The following PPP1R12A variants were observed in gnomAD, a reference collection of about 807,000 sequenced individuals.
The protein encoded by PPP1R12A is protein phosphatase 1 regulatory subunit 12A, also known as myosin binding subunit.
PPP1R12A carries 19 observed loss-of-function variants against 139.6 expected under a neutral mutation model. That is an observed-to-expected ratio of 0.14 (90% CI 0.09 to 0.20). PPP1R12A has a LOEUF of 0.20. Ranked by LOEUF, PPP1R12A falls within the 10% of genes least tolerant of loss-of-function variation. PPP1R12A has a pLI of 1.00. For missense variants in PPP1R12A, 925 were observed against 1,211.5 expected (o/e 0.76, Z 3.51); for synonymous variants, 427 against 420.6 (o/e 1.02, Z -0.19).
intron 18 of PPP1R12A, among the ~76,000 whole-genome samples, chr12:79,794,865 T>C (rs929460769): frequency 1.3e-5 from 2 of 152,110 alleles, no homozygotes; most frequent in African/African-American, 2.4e-5. Context: ...ATAACAGTTA[T>C]AAAATTTATA....
At chr12:79,805,820 CAATG>C (rs1873758508) in intron 13 of PPP1R12A, 52 bp from the exon 14 acceptor site, 1 of 1,516,616 alleles carries the variant, frequency 6.6e-7, no homozygotes, top group Non-Finnish European at 9.0e-7. Flanking sequence ...AACAGCTAAA[CAATG>C]AAAGCACTTT....
At chr12:79,809,507 A>G (rs1247486112) in intron 10 of PPP1R12A, among the ~76,000 whole-genome samples, 2 of 152,152 alleles carry the variant, frequency 1.3e-5, no homozygotes, top group Non-Finnish European at 2.9e-5. Context: ...GAATCATAAT[A>G]AACAAAATAA....
Position 79,877,825 on chromosome 12 carries a change from T to C in PPP1R12A, c.238-4887A>G, listed in dbSNP as rs149130387. 9.8e-5 allele frequency among the ~76,000 whole-genome samples: 15 copies of C among 152,318 alleles called. No individual in the cohort carries two copies. The East Asian group carries it at 2.5e-3, about 25-fold the overall frequency. On this transcript the variant is annotated intron_variant, in intron 1 of 24. Coordinates refer to ENST00000450142, the MANE Select transcript of PPP1R12A (RefSeq NM_002480.3). ...GCCACCACACCCGGCTGATACTCAT[T>C]AAATTCTGTTCACCTTTTTTTCTCA...
chr12:79,823,118 A>G (rs1876329097), intron 5 of PPP1R12A, among the ~76,000 whole-genome samples: 1 of 152,180 alleles, frequency 6.6e-6, no homozygotes, highest in Admixed American at 6.5e-5. Context: ...TTCACTGTGA[A>G]AGAGAAAAAT....
intron 1 of PPP1R12A, among the ~76,000 whole-genome samples, chr12:79,927,482 T>C (rs899945288): frequency 2.6e-5 from 4 of 152,154 alleles, no homozygotes; most frequent in African/African-American, 9.7e-5. Context: ...CTAAAACAAA[T>C]GTGGATGAAG....
In PPP1R12A at chr12:79,781,934, T is replaced by C. The variant is rs1870497860; in HGVS notation, c.2908-72A>G. 4.0e-5 allele frequency: 32 copies of C among 802,804 alleles called. No homozygotes were observed. The South Asian group carries it at 5.4e-4, about 14-fold the overall frequency. 49.7% of individuals were successfully genotyped at this position (802,804 alleles called of 1,614,324 possible). On this transcript the variant is annotated intron_variant, in intron 22 of 24. Transcript: ENST00000450142. ...CAGGGGTGACCACAGTAATTCTCTTTTAATAGGTATTAAATCACAATATTC... is the reference window on the plus strand; with the variant it reads ...CAGGGGTGACCACAGTAATTCTCTTCTAATAGGTATTAAATCACAATATTC...
chr12:79,880,171 A>G (rs1883497221), intron 1 of PPP1R12A, among the ~76,000 whole-genome samples: 1 of 152,190 alleles, frequency 6.6e-6, no homozygotes, highest in South Asian at 2.1e-4. Flanking sequence ...ATAGTCCATA[A>G]ATAACAATGA....
intron 1 of PPP1R12A, among the ~76,000 whole-genome samples, chr12:79,914,392 A>G (rs903927481): frequency 2.6e-5 from 4 of 152,026 alleles, no homozygotes; most frequent in East Asian, 1.9e-4. Context: ...ACTGATATTC[A>G]TATTTACCCA....
intron 1 of PPP1R12A, among the ~76,000 whole-genome samples, chr12:79,924,491 T>C (rs1273557589): frequency 3.9e-5 from 6 of 152,202 alleles, no homozygotes; most frequent in Admixed American, 6.5e-5. Flanking sequence ...TGCAGTGGCG[T>C]GATCACAGCT....
Position 79,934,885 on chromosome 12 carries a change from C to A in PPP1R12A, c.47G>T (p.Arg16Leu). The A allele has an allele frequency of 6.2e-7, 1 of 1,609,536 alleles. No individual in the cohort carries two copies. Among genetic ancestry groups the A allele is most frequent in the Non-Finnish European group, 8.5e-7 (1 of 1,178,004 alleles). ...AKQKRNEQLK[R>L]WIGSETDLEP... is the part of the protein sequence containing the mutation. ...GAGGTCCGTCTCGGAGCCGATCCAGCGTTTCAGCTGCTCGTTCCGCTTCTG... is the reference window on the plus strand; with the variant it reads ...GAGGTCCGTCTCGGAGCCGATCCAGAGTTTCAGCTGCTCGTTCCGCTTCTG... The change falls in exon 1 of 25, where the codon CGC becomes CTC. Residue 16 changes from arginine (R) to leucine (L), a missense_variant. Transcript: ENST00000450142.
At chr12:79,845,596 C>A (rs1291815451) in intron 2 of PPP1R12A, among the ~76,000 whole-genome samples, 176 bp from the exon 3 acceptor site, 2 of 152,170 alleles carry the variant, frequency 1.3e-5, no homozygotes, top group African/African-American at 4.8e-5. Context: ...GTAATCCCAG[C>A]ACTTTGGGAG....
chr12:79,775,774 C>A lies in PPP1R12A; in HGVS notation c.*155G>T. 1 of 427,852 alleles carries A rather than the reference C, an allele frequency of 2.3e-6. No homozygotes were observed. The highest frequency in any genetic ancestry group is 4.0e-6 in the Non-Finnish European group (1 of 249,936). The allele number at this position is 427,852 out of a possible 1,614,324, so 26.5% of individuals were successfully genotyped here. On this transcript the variant is annotated 3_prime_UTR_variant, in exon 25 of 25. Transcript: ENST00000450142. ...AACAAAAACACCCCAGAAAATTAAA[C>A]AAAATGAAACAAAAATTCTAGATAA...
chr12:79,914,830 C>G (rs1262779765), intron 1 of PPP1R12A, among the ~76,000 whole-genome samples: 2 of 151,540 alleles, frequency 1.3e-5, no homozygotes, highest in Non-Finnish European at 2.9e-5. Flanking sequence ...CCTTTTTAAA[C>G]TGGGAAAACA....
intron 1 of PPP1R12A, among the ~76,000 whole-genome samples, chr12:79,926,604 T>C (rs1485476521): frequency 1.3e-5 from 2 of 152,208 alleles, no homozygotes; most frequent in East Asian, 3.8e-4. Flanking sequence ...TGTCAGTGTG[T>C]TACACTTACC....
chr12:79,799,902 G>A (rs946973345), intron 14 of PPP1R12A, among the ~76,000 whole-genome samples: 3 of 152,006 alleles, frequency 2.0e-5, no homozygotes, highest in Non-Finnish European at 2.9e-5. Context: ...CCAGTTACTC[G>A]GGAGGCTGAG....
At chr12:79,888,137 A>G (rs937902650) in intron 1 of PPP1R12A, among the ~76,000 whole-genome samples, 2 of 152,202 alleles carry the variant, frequency 1.3e-5, no homozygotes, top group Admixed American at 6.5e-5. Flanking sequence ...ATGGTGAAGT[A>G]TACAGACCAG....
At chr12:79,825,881 CAA>C (rs1316129018) in intron 5 of PPP1R12A, among the ~76,000 whole-genome samples, 1 of 150,588 alleles carries the variant, frequency 6.6e-6, no homozygotes, top group Non-Finnish European at 1.5e-5. Context: ...TTCATACATG[CAA>C]AGTTATGAAA....
chr12:79,827,771 C>T (rs928392591), intron 5 of PPP1R12A, among the ~76,000 whole-genome samples: 24 of 152,204 alleles, frequency 1.6e-4, no homozygotes, highest in African/African-American at 5.8e-4. Flanking sequence ...ACTATTTTCT[C>T]ATCTACAAAA....
chr12:79,866,982 G>C (rs921910806), intron 2 of PPP1R12A, among the ~76,000 whole-genome samples: 2 of 152,214 alleles, frequency 1.3e-5, no homozygotes, highest in Non-Finnish European at 2.9e-5. Context: ...GATACCCAAA[G>C]GATTATAAAT....
Sources: allele counts gnomAD v4.1 joint callset (sites outside exome capture counted in the v4.1 genomes callset), GRCh38; gene constraint gnomAD v4.1.1; transcripts MANE v1.5; gene names NCBI Gene and HGNC (gene_info 2026-07-23, HGNC 2026-07-21).